The following TOP3B variants were observed in gnomAD, a reference collection of about 807,000 sequenced individuals.
TOP3B encodes DNA topoisomerase 3-beta-1.
A neutral mutation model predicts 93.9 loss-of-function variants in TOP3B; 45 were observed. The ratio of observed to expected loss-of-function variants is 0.48; its 90% CI spans 0.38 to 0.61. TOP3B has a LOEUF of 0.61. Among genes scored for constraint, TOP3B ranks in the 20% least tolerant of loss-of-function variants. TOP3B has a pLI of 0.00. For synonymous variants in TOP3B, 357 were observed against 472.6 expected, an observed-to-expected ratio of 0.76 and a Z score of 3.17; for missense variants, 750 against 1,156.1, an observed-to-expected ratio of 0.65 and a Z score of 5.09.
chr22:21,968,040 C>T, intron 7 of TOP3B: 1 of 340,484 alleles, frequency 2.9e-6, no homozygotes, highest in Non-Finnish European at 5.5e-6. Context: ...TAGGTATGGC[C>T]ACCGCCAGGG....
rs1278471652 is a variant in TOP3B at position 21,960,454 on chromosome 22, A to G, written c.1526-5T>C. ...CAGGGATGCTGGCATCCGTGCCTGC[A>G]ATGTACAAGGCCCCAGGGTTCCTGG... On this transcript the variant is annotated splice_polypyrimidine_tract_variant and splice_region_variant and intron_variant, in intron 13 of 17. Transcript: ENST00000357179. 1 of 1,613,204 alleles carries G rather than the reference A, an allele frequency of 6.2e-7. No individual in the cohort carries two copies. The highest frequency in any genetic ancestry group is 8.5e-7 in the Non-Finnish European group (1 of 1,179,910).
chr22:21,973,493 C>G (rs1052911420), intron 3 of TOP3B: 2 of 144,506 alleles, frequency 1.4e-5, no homozygotes, highest in Non-Finnish European at 3.0e-5. Flanking sequence ...ACTATGTTGT[C>G]CAGACTAGTC....
At chr22:21,967,804 G>C in intron 7 of TOP3B, 88 bp from the exon 8 acceptor site, 1 of 1,046,942 alleles carries the variant, frequency 9.6e-7, no homozygotes, top group Non-Finnish European at 1.5e-6. Context: ...GATGAAGCTG[G>C]TCCTTGTCTG....
rs777005462 is a variant in TOP3B, at chr22:21,968,739, A to C, written c.618T>G (p.Asp206Glu). 2 of 1,614,206 alleles carry C rather than the reference A, an allele frequency of 1.2e-6. No individual in the cohort carries two copies. Among genetic ancestry groups the C allele is most frequent in the Non-Finnish European group, 1.7e-6 (2 of 1,180,048 alleles). The change falls in exon 7 of 18, where the codon GAT becomes GAG. Residue 206 changes from aspartate (D) to glutamate (E), a missense_variant. Asp to Glu is a conservative substitution (Grantham distance 45, BLOSUM62 2). Coordinates refer to ENST00000357179, the MANE Select transcript of TOP3B (RefSeq NM_001282112.2). Reference sequence around the variant, plus strand: ...CAAAGGAGATGAGAGAGCTGTCTAAATCACCGTATTTCCCCTGGAAATATT... The same window carrying C: ...CAAAGGAGATGAGAGAGCTGTCTAACTCACCGTATTTCCCCTGGAAATATT... ...QTKYFQGKYGDLDSSLISFGP... is the reference protein window; with the variant it reads ...QTKYFQGKYGELDSSLISFGP...
At position 21,970,292 on chromosome 22, in the gene TOP3B, G is replaced by C. The variant is rs775782800; in HGVS notation, c.499C>G (p.Leu167Val). Residue 167 changes from leucine to valine, a missense_variant, in exon 6 of 18, where the codon CTA becomes GTA. Leu to Val is a conservative substitution (Grantham distance 32). This residue lies in a region of TOP3B where 737 missense variants were observed against 933.7 expected (regional missense o/e 0.79). Transcript: ENST00000357179. This position sits in a 1 kb window ranked among gnomAD's most constrained non-coding sequence, Gnocchi z 4.4. ...GCCTCGTTGTGGTCAGGCTCGCCTAGGCAGGCCATGGCATTACAGATGTCT... is the reference window on the plus strand; with the variant it reads ...GCCTCGTTGTGGTCAGGCTCGCCTACGCAGGCCATGGCATTACAGATGTCT... ...DTDICNAMACLGEPDHNEALS... is the reference protein window; with the variant it reads ...DTDICNAMACVGEPDHNEALS... The C allele has an allele frequency of 3.7e-6, 6 of 1,613,970 alleles. No homozygotes were observed. The highest frequency in any genetic ancestry group is 3.4e-6 in the Non-Finnish European group (4 of 1,180,028).
In TOP3B at chr22:21,959,677, C is replaced by A. The variant is rs772249700; in HGVS notation, c.1714G>T (p.Ala572Ser). 2.5e-6 allele frequency: 4 copies of A among 1,613,662 alleles called. No homozygotes were observed. Among genetic ancestry groups the A allele is most frequent in the Non-Finnish European group, 3.4e-6 (4 of 1,179,926 alleles). Residue 572 changes from alanine to serine, a missense_variant, in exon 15 of 18, where the codon GCC (alanine) becomes TCC (serine). By Grantham distance (99) the Ala-to-Ser change is moderately conservative. Transcript: ENST00000357179. ...SAVEKQLNLI[A>S]QGKADYRQVL... The stretch of plus-strand genomic sequence containing the variant: ...TGGCGGTAGTCGGCCTTGCCCTGGG[C>A]GATCAGGTTCAGCTGCTTCTCCACT...
In TOP3B at chr22:21,974,359, A is replaced by C; in HGVS notation, c.200T>G (p.Leu67Arg). ...GGATGGAGGGTAGAGGGGCTTACCC[A>C]GGAAATCCAGGGTCATCACGTGACC... ...VCGHVMTLDF[L>R]GKYNKWDKVD... Residue 67 changes from leucine (L) to arginine (R), a missense_variant and splice_region_variant, in exon 3 of 18, where the codon CTG (leucine) becomes CGG (arginine). Leu to Arg is a moderately radical substitution (Grantham distance 102). Around this residue, in one of 4 missense-constraint regions of TOP3B, gnomAD observed 737 missense variants for 933.7 expected, o/e 0.79. Transcript: ENST00000357179. 6.2e-7 allele frequency: 1 copy of C among 1,613,748 alleles called. No homozygotes were observed. The highest frequency in any genetic ancestry group is 8.5e-7 in the Non-Finnish European group (1 of 1,179,720).
Position 21,960,493 on chromosome 22 carries a change from T to C in TOP3B, c.1526-44A>G, listed in dbSNP as rs2071127145. The C allele has an allele frequency of 2.5e-6, 4 of 1,610,204 alleles. No homozygotes were observed. In the East Asian group the frequency reaches 8.9e-5, roughly 36 times the overall value. The stretch of plus-strand genomic sequence containing the variant: ...CAGGGTTCCTGGCCTGCCTTGGACA[T>C]GCCCCACTGAACCATGTGCTGTATC... On this transcript the variant is annotated intron_variant, in intron 13 of 17. Coordinates refer to ENST00000357179, the MANE Select transcript of TOP3B (RefSeq NM_001282112.2).
Position 21,980,182 on chromosome 22 carries a change from A to C in TOP3B, c.-99+2548T>G, listed in dbSNP as rs78145489. ...GATATGTCTGGATGGAACGCAAAAC[A>C]AACAGTCCAAGCAATCACCTGGAGT... is the stretch of plus-strand genomic sequence containing the variant. On this transcript the variant is annotated intron_variant, in intron 1 of 17. Coordinates refer to ENST00000357179, the MANE Select transcript of TOP3B (RefSeq NM_001282112.2). Among the ~76,000 whole-genome samples, 868 of 152,286 alleles carry C rather than the reference A, an allele frequency of 5.7e-3. 8 individuals carry two copies. The highest frequency in any genetic ancestry group is 0.02 in the African/African-American group (834 of 41,556).
chr22:21,963,796 A>G lies in TOP3B; in HGVS notation c.1204+127T>C. On this transcript the variant is annotated intron_variant, in intron 11 of 17. Coordinates refer to ENST00000357179, the MANE Select transcript of TOP3B (RefSeq NM_001282112.2). The surrounding 1 kb of genome is among the most constrained non-coding windows in gnomAD (Gnocchi z 4.8). ...GAGCTCATCTTCCAGGTGGCCCCCC[A>G]TCCCCACAGCCAGGGCAGGCAGAGG... The G allele has an allele frequency of 1.1e-6, 1 of 938,404 alleles. No homozygotes were observed. The highest frequency in any genetic ancestry group is 1.6e-6 in the Non-Finnish European group (1 of 619,466). The allele number at this position is 938,404 out of a possible 1,614,324, so 58.1% of individuals were successfully genotyped here. A position where few individuals can be genotyped will look rare whatever the true frequency, so the allele number is the denominator to read the frequency against.
chr22:21,974,292 C>T, intron 3 of TOP3B, 65 bp downstream of exon 3: 1 of 1,558,964 alleles, frequency 6.4e-7, no homozygotes, highest in Non-Finnish European at 8.7e-7. Context: ...CTCCTGGCTT[C>T]AACTGGACCC....
At chr22:21,978,580 G>A (rs77462809) in intron 1 of TOP3B, among the ~76,000 whole-genome samples, 2 of 152,220 alleles carry the variant, frequency 1.3e-5, no homozygotes, top group Admixed American at 6.5e-5. Context: ...GCTGGGGGTC[G>A]GGAGATGAGG....
chr22:21,972,393 G>T, intron 4 of TOP3B: 1 of 503,324 alleles, frequency 2.0e-6, no homozygotes, highest in Admixed American at 3.8e-5. Flanking sequence ...AAAGCAGAAG[G>T]CCTGCTCTCC....
At chr22:21,979,264 G>C (rs2084563176) in intron 1 of TOP3B, among the ~76,000 whole-genome samples, 1 of 152,074 alleles carries the variant, frequency 6.6e-6, no homozygotes, top group African/African-American at 2.4e-5. Context: ...GGTGTGCTCT[G>C]TGGGGTCCAG....
At position 21,970,293 on chromosome 22, in the gene TOP3B, G is replaced by C. The variant is rs1243736852; in HGVS notation, c.498C>G (p.Cys166Trp). The change falls in exon 6 of 18, where the codon TGC becomes TGG. Residue 166 changes from cysteine to tryptophan, a missense_variant. This residue lies in a region of TOP3B where 737 missense variants were observed against 933.7 expected (regional missense o/e 0.79). Transcript: ENST00000357179. The surrounding 1 kb of genome is among the most constrained non-coding windows in gnomAD (Gnocchi z 4.4). ...TDTDICNAMA[C>W]LGEPDHNEAL... is the part of the protein sequence containing the mutation. ...CCTCGTTGTGGTCAGGCTCGCCTAG[G>C]CAGGCCATGGCATTACAGATGTCTG... is the stretch of plus-strand genomic sequence containing the variant. The C allele has an allele frequency of 4.3e-6, 7 of 1,613,934 alleles. No individual in the cohort carries two copies. In the African/African-American group the frequency reaches 9.3e-5, roughly 22 times the overall value.
rs1278328458 is a variant in TOP3B, at chr22:21,975,877, A to C, written c.-98-70T>G. 9.2e-6 allele frequency: 10 copies of C among 1,092,508 alleles called. No individual in the cohort carries two copies. The East Asian group carries it at 2.3e-4, about 25-fold the overall frequency. 67.7% of individuals were successfully genotyped at this position (1,092,508 alleles called of 1,614,324 possible). On this transcript the variant is annotated intron_variant, in intron 1 of 17. Transcript: ENST00000357179. ...AACCTACACCACTACAAGGAAAATCACTTTAACAAAGAAAAAACAAGACCA... is the reference window on the plus strand; with the variant it reads ...AACCTACACCACTACAAGGAAAATCCCTTTAACAAAGAAAAAACAAGACCA...
In TOP3B at chr22:21,958,331, C is replaced by G. The variant is rs1470399027; in HGVS notation, c.2107+161G>C. 6.1e-6 allele frequency: 9 copies of G among 1,471,976 alleles called. No homozygotes were observed. In the Admixed American group the frequency reaches 1.8e-4, roughly 30 times the overall value. The allele number at this position is 1,471,976 out of a possible 1,614,324, so 91.2% of individuals were successfully genotyped here. On this transcript the variant is annotated intron_variant, in intron 17 of 17. Coordinates refer to ENST00000357179, the MANE Select transcript of TOP3B (RefSeq NM_001282112.2). ...GTGGCACCACTGGCTGAGGCCTAAG[C>G]AGTGCCCCAGCTACATCCAGGGTCT...
intron 1 of TOP3B, chr22:21,977,444 G>T (rs1342169642): frequency 6.7e-6 from 1 of 148,870 alleles, no homozygotes; most frequent in African/African-American, 2.5e-5. Flanking sequence ...CATGAGAATC[G>T]CTCGAACTCA....
chr22:21,959,747 G>A lies in TOP3B; in HGVS notation c.1655-11C>T. On this transcript the variant is annotated splice_polypyrimidine_tract_variant and intron_variant, in intron 14 of 17. Coordinates refer to ENST00000357179, the MANE Select transcript of TOP3B (RefSeq NM_001282112.2). ...GCACCAGCTCTGCATCTGCAAGTGG[G>A]CAGGGGGCAGATATTGCCCTGAGCA... 6.2e-7 allele frequency: 1 copy of A among 1,611,212 alleles called. No individual in the cohort carries two copies. The highest frequency in any genetic ancestry group is 8.5e-7 in the Non-Finnish European group (1 of 1,179,040).
Sources: allele counts gnomAD v4.1 joint callset (sites outside exome capture counted in the v4.1 genomes callset), GRCh38; gene constraint gnomAD v4.1.1; regional missense constraint gnomAD v4.1.1; non-coding constraint Gnocchi (gnomAD v3.1); transcripts MANE v1.5; gene names NCBI Gene and HGNC (gene_info 2026-07-23, HGNC 2026-07-21).